The following NF1 variants were observed in gnomAD, a reference collection of about 807,000 sequenced individuals.
NF1 encodes the protein neurofibromin 1, also known as neurofibromin.
Under a neutral mutation model 325.7 loss-of-function variants are expected in NF1, and 122 were observed. The observed-to-expected ratio is 0.37, with a 90% confidence interval of 0.32 to 0.44. The LOEUF is 0.44. Ranked by LOEUF, NF1 falls within the 20% of genes least tolerant of loss-of-function variation. The pLI is 1.00. For missense variants in NF1, 2,140 were observed against 3,415.4 expected (o/e 0.63, Z 9.31); for synonymous variants, 1,091 against 1,186.0 (o/e 0.92, Z 1.65).
intron 29 of NF1, 143 bp downstream of exon 29, chr17:31,236,164 C>A: frequency 3.1e-6 from 2 of 644,382 alleles, no homozygotes; most frequent in Non-Finnish European, 5.4e-6. Context: ...TATACAAATA[C>A]ACGTTTCTTT....
At chr17:31,228,392 G>A (rs1242941661) in intron 20 of NF1, among the ~76,000 whole-genome samples, 1 of 152,072 alleles carries the variant, frequency 6.6e-6, no homozygotes, top group Non-Finnish European at 1.5e-5. Context: ...ACCTTTATTT[G>A]GAGGGGACAT....
intron 36 of NF1, among the ~76,000 whole-genome samples, chr17:31,291,267 A>G (rs1319189294): frequency 1.3e-5 from 2 of 152,164 alleles, no homozygotes; most frequent in Non-Finnish European, 2.9e-5. Flanking sequence ...GAAAGAATGA[A>G]TGAATGAATG....
At chr17:31,233,513 T>G (rs898615087) in intron 27 of NF1, among the ~76,000 whole-genome samples, 8 of 152,200 alleles carry the variant, frequency 5.3e-5, no homozygotes, top group Non-Finnish European at 8.8e-5. Context: ...TTTTAGTTAG[T>G]TGTTGCAATG....
At chr17:31,168,186 T>C (rs1265220286) in intron 4 of NF1, among the ~76,000 whole-genome samples, 5 of 152,192 alleles carry the variant, frequency 3.3e-5, no homozygotes, top group African/African-American at 1.2e-4. Flanking sequence ...AGAATAGTAC[T>C]TCAAATCCCC....
chr17:31,169,004 C>T (rs1009755809), intron 4 of NF1, among the ~76,000 whole-genome samples: 4 of 152,084 alleles, frequency 2.6e-5, no homozygotes, highest in East Asian at 1.9e-4. Flanking sequence ...TTCCATTATT[C>T]GTTATCAGAA....
chr17:31,248,312 A>G (rs182285696), intron 29 of NF1, among the ~76,000 whole-genome samples: 1 of 151,664 alleles, frequency 6.6e-6, no homozygotes, highest in Non-Finnish European at 1.5e-5. Context: ...GGAAAAATAC[A>G]TGATATTCTT....
At chr17:31,183,001 T>G in intron 8 of NF1, 1 of 555,542 alleles carries the variant, frequency 1.8e-6, no homozygotes, top group Non-Finnish European at 3.1e-6. Flanking sequence ...AGTTCATCAC[T>G]TTTATAGTGT....
chr17:31,196,751 C>A (rs1056148834), intron 8 of NF1, among the ~76,000 whole-genome samples: 2 of 152,094 alleles, frequency 1.3e-5, no homozygotes, highest in Admixed American at 6.6e-5. Context: ...CATTCTTTTG[C>A]ATGTGGATAA....
At chr17:31,187,175 G>A (rs1287027411) in intron 8 of NF1, among the ~76,000 whole-genome samples, 1 of 152,114 alleles carries the variant, frequency 6.6e-6, no homozygotes, top group African/African-American at 2.4e-5. Context: ...GTGCCAGTGG[G>A]CTCATGCTCA....
chr17:31,236,051 T>TG (rs1327979344), intron 29 of NF1, 30 bp downstream of exon 29: 1 of 1,498,052 alleles, frequency 6.7e-7, no homozygotes, highest in African/African-American at 2.2e-5. Context: ...AGAACCGCTG[T>TG]TTTTTGTTTT....
chr17:31,261,636 A>C, intron 34 of NF1, 75 bp from the exon 35 acceptor site: 1 of 1,537,806 alleles, frequency 6.5e-7, no homozygotes, highest in Non-Finnish European at 9.0e-7. Flanking sequence ...AAAAGCAACC[A>C]GTTACAAGTT....
intron 51 of NF1, among the ~76,000 whole-genome samples, chr17:31,353,938 G>A (rs765155556): frequency 2.5e-4 from 38 of 152,210 alleles, no homozygotes; most frequent in Non-Finnish European, 5.1e-4. Flanking sequence ...TAGCCACATA[G>A]GTGTGTTACT....
chr17:31,129,139 G>T (rs1309474391), intron 1 of NF1, among the ~76,000 whole-genome samples: 1 of 152,018 alleles, frequency 6.6e-6, no homozygotes, highest in Non-Finnish European at 1.5e-5. Flanking sequence ...GAAATATTTT[G>T]TGGGAGTTCT....
chr17:31,323,196 G>A (rs1250166725), intron 36 of NF1, among the ~76,000 whole-genome samples: 2 of 151,836 alleles, frequency 1.3e-5, no homozygotes, highest in African/African-American at 4.8e-5. Context: ...ACAGAAATTC[G>A]AGACCAGCCT....
At chr17:31,323,909 A>C (rs964361112) in intron 36 of NF1, among the ~76,000 whole-genome samples, 5 of 152,028 alleles carry the variant, frequency 3.3e-5, no homozygotes, top group African/African-American at 1.2e-4. Context: ...TTTCTACCTC[A>C]TATCTTCTAT....
chr17:31,122,356 G>A (rs1226977528), intron 1 of NF1, among the ~76,000 whole-genome samples: 1 of 152,122 alleles, frequency 6.6e-6, no homozygotes, highest in African/African-American at 2.4e-5. Flanking sequence ...CAAGTTTCTT[G>A]TTTATTGTTT....
intron 33 of NF1, among the ~76,000 whole-genome samples, chr17:31,259,477 A>G (rs538291623): frequency 1.3e-3 from 194 of 152,252 alleles, no homozygotes; most frequent in Non-Finnish European, 2.3e-3. Context: ...ATACATAACA[A>G]TGTTTAATAA....
chr17:31,233,755 G>A (rs920090489), intron 27 of NF1, among the ~76,000 whole-genome samples: 2 of 152,126 alleles, frequency 1.3e-5, no homozygotes, highest in East Asian at 1.9e-4. Flanking sequence ...ACGTTGAGAC[G>A]GGTTGTTGTT....
At chr17:31,243,429 C>T (rs1430186504) in intron 29 of NF1, among the ~76,000 whole-genome samples, 1 of 151,906 alleles carries the variant, frequency 6.6e-6, no homozygotes, top group Non-Finnish European at 1.5e-5. Context: ...TCCAGAGATG[C>T]CATTCAGGAG....
Sources: gnomAD v4.1 joint callset for allele counts (sites outside exome capture counted in the v4.1 genomes callset) on GRCh38, gnomAD v4.1.1 for gene constraint, MANE v1.5 for transcripts, NCBI Gene and HGNC (gene_info 2026-07-23, HGNC 2026-07-21) for gene names.